NLGN1: variants seen among roughly 807,000 people sequenced by gnomAD.
The protein encoded by NLGN1 is neuroligin 1, also known as neuroligin-1.
A neutral mutation model predicts 65.5 loss-of-function variants in NLGN1; 12 were observed. The observed-to-expected ratio is 0.18, with a 90% CI of 0.12 to 0.30. The LOEUF is 0.30. Among genes scored for constraint, NLGN1 ranks in the 10% least tolerant of loss-of-function variants. NLGN1 has a pLI of 1.00. For missense variants in NLGN1, 750 were observed against 1,007.1 expected, an observed-to-expected ratio of 0.74 and a Z score of 3.46; for synonymous variants, 350 against 359.5, an observed-to-expected ratio of 0.97 and a Z score of 0.30.
intron 2 of NLGN1, among the ~76,000 whole-genome samples, chr3:173,539,171 C>T (rs543769393): frequency 2.8e-5 from 4 of 143,596 alleles, no homozygotes; most frequent in African/African-American, 1.2e-4. Flanking sequence ...CGGGTGGTGC[C>T]TGCTTATTGT....
At chr3:173,795,240 T>A (rs1451046238) in intron 3 of NLGN1, among the ~76,000 whole-genome samples, 1 of 152,114 alleles carries the variant, frequency 6.6e-6, no homozygotes, top group African/African-American at 2.4e-5. Context: ...TTTTAAATAA[T>A]CAAGTGTTCC....
At chr3:173,680,798 T>G (rs539509065) in intron 3 of NLGN1, among the ~76,000 whole-genome samples, 39 of 152,300 alleles carry the variant, frequency 2.6e-4, no homozygotes, top group African/African-American at 9.1e-4. Context: ...ACAATATTTA[T>G]TTGTTTCAGT....
chr3:173,916,368 T>C (rs960534236), intron 4 of NLGN1, among the ~76,000 whole-genome samples: 1 of 152,156 alleles, frequency 6.6e-6, no homozygotes, highest in Non-Finnish European at 1.5e-5. Context: ...CATTCACTCA[T>C]TCATTTATTG....
chr3:174,081,723 C>T (rs1207108970), intron 4 of NLGN1, among the ~76,000 whole-genome samples: 1 of 151,900 alleles, frequency 6.6e-6, no homozygotes, highest in African/African-American at 2.4e-5. Context: ...AGACATGTGC[C>T]ACCACGTCCA....
At chr3:173,914,784 C>T (rs929684507) in intron 4 of NLGN1, 1 of 152,142 alleles carries the variant, frequency 6.6e-6, no homozygotes, top group Admixed American at 6.5e-5. Context: ...CTGATATAGG[C>T]TCTTCACACT....
chr3:174,271,960 A>G (rs1393846302), intron 4 of NLGN1, among the ~76,000 whole-genome samples: 1 of 151,650 alleles, frequency 6.6e-6, no homozygotes, highest in African/African-American at 2.4e-5. Context: ...TTGGGGGGAA[A>G]ATTTTGTGCA....
chr3:174,229,658 A>G (rs1017522582), intron 4 of NLGN1, among the ~76,000 whole-genome samples: 17 of 152,232 alleles, frequency 1.1e-4, no homozygotes, highest in African/African-American at 3.9e-4. Context: ...GATTTGCTCA[A>G]CTTCCTTAAA....
chr3:173,629,997 T>C (rs955203930), intron 3 of NLGN1, among the ~76,000 whole-genome samples: 1 of 152,138 alleles, frequency 6.6e-6, no homozygotes, highest in African/African-American at 2.4e-5. Flanking sequence ...AAGGGGTTAT[T>C]TGAGAAGTAT....
At chr3:173,932,384 G>C (rs750911438) in intron 4 of NLGN1, among the ~76,000 whole-genome samples, 1 of 151,994 alleles carries the variant, frequency 6.6e-6, no homozygotes, top group African/African-American at 2.4e-5. Context: ...GTTATATAGG[G>C]AAATGTTCTG....
intron 3 of NLGN1, among the ~76,000 whole-genome samples, chr3:173,764,214 T>A (rs887488290): frequency 2.6e-5 from 4 of 152,144 alleles, no homozygotes; most frequent in African/African-American, 4.8e-5. Flanking sequence ...GAAGGTTTTT[T>A]AAAATAGGTC....
chr3:174,032,633 C>T (rs923942491), intron 4 of NLGN1, among the ~76,000 whole-genome samples: 1 of 152,088 alleles, frequency 6.6e-6, no homozygotes, highest in African/African-American at 2.4e-5. Flanking sequence ...GAGGAAAGCC[C>T]CACACTCTCA....
At position 173,721,818 on chromosome 3, in the gene NLGN1, AC is replaced by A. The variant is rs147960699; in HGVS notation, c.494-85860del. On this transcript the variant is annotated intron_variant, in intron 3 of 6. Coordinates refer to ENST00000457714, the Ensembl canonical transcript of NLGN1. Reference sequence around the variant, plus strand: ...CATGACTTATTCTTCACTATGCAGAACCATTTAATCATTTTAATGAATTGGG... The same window carrying A: ...CATGACTTATTCTTCACTATGCAGAACATTTAATCATTTTAATGAATTGGG... Among the ~76,000 whole-genome samples, 418 of 152,276 alleles carry A rather than the reference AC, an allele frequency of 2.7e-3. 2 individuals carry two copies. The highest frequency in any genetic ancestry group is 9.2e-3 in the African/African-American group (384 of 41,556).
chr3:174,250,486 A>G (rs1744568768), intron 4 of NLGN1, among the ~76,000 whole-genome samples: 1 of 152,212 alleles, frequency 6.6e-6, no homozygotes, highest in African/African-American at 2.4e-5. Context: ...TTGCTTGAAG[A>G]GCGAGCATCT....
intron 2 of NLGN1, among the ~76,000 whole-genome samples, chr3:173,444,736 A>G (rs553910707): frequency 6.6e-6 from 1 of 152,002 alleles, no homozygotes; most frequent in African/African-American, 2.4e-5. Flanking sequence ...ATCTATCTAT[A>G]TATACACATA....
intron 4 of NLGN1, among the ~76,000 whole-genome samples, chr3:174,185,135 A>T (rs915321977): frequency 2.0e-5 from 3 of 151,926 alleles, no homozygotes; most frequent in Non-Finnish European, 2.9e-5. Flanking sequence ...AACCCACTTG[A>T]TTCCATCCTT....
chr3:173,890,454 T>C (rs778841133), intron 4 of NLGN1, among the ~76,000 whole-genome samples: 4 of 152,156 alleles, frequency 2.6e-5, no homozygotes, highest in South Asian at 2.1e-4. Flanking sequence ...TTTATAGATA[T>C]TGCATTAGCA....
chr3:173,759,546 G>A (rs562599659), intron 3 of NLGN1, among the ~76,000 whole-genome samples: 59 of 152,040 alleles, frequency 3.9e-4, no homozygotes, highest in Non-Finnish European at 7.2e-4. Context: ...TTTGAGCAAT[G>A]TATGAGAGTA....
At chr3:173,615,398 G>A (rs1752901531) in intron 3 of NLGN1, among the ~76,000 whole-genome samples, 1 of 151,998 alleles carries the variant, frequency 6.6e-6, no homozygotes, top group Non-Finnish European at 1.5e-5. Flanking sequence ...TATTTACATT[G>A]CAAGAAAAAC....
chr3:173,888,274 C>T (rs1173246598), intron 4 of NLGN1, among the ~76,000 whole-genome samples: 2 of 151,906 alleles, frequency 1.3e-5, no homozygotes, highest in Admixed American at 6.6e-5. Flanking sequence ...TACCAAAATC[C>T]TCAGATGCTC....
Sources: allele counts gnomAD v4.1 joint callset (sites outside exome capture counted in the v4.1 genomes callset), GRCh38; gene constraint gnomAD v4.1.1; transcripts MANE v1.5; gene names NCBI Gene and HGNC (gene_info 2026-07-23, HGNC 2026-07-21).